Variants in CDKL2 observed in about 807,000 individuals in gnomAD.
CDKL2 encodes cyclin dependent kinase like 2, also known as cyclin-dependent kinase-like 2.
Under a neutral mutation model 63.9 loss-of-function variants are expected in CDKL2, and 64 were observed. That is an observed-to-expected ratio of 1.00 (90% CI 0.82 to 1.23). CDKL2 has a LOEUF of 1.23. CDKL2 is among the 50% of genes most tolerant of loss of function. The probability of loss-of-function intolerance (pLI) is 0.00; values close to 1 mark genes in which losing one functional copy is unlikely to be tolerated. For synonymous variants in CDKL2, 211 were observed against 229.2 expected (o/e 0.92, Z 0.72); for missense variants, 656 against 668.0 (o/e 0.98, Z 0.20).
At chr4:75,583,125 G>C (rs1728330689) in intron 12 of CDKL2, among the ~76,000 whole-genome samples, 1 of 152,170 alleles carries the variant, frequency 6.6e-6, no homozygotes, top group South Asian at 2.1e-4. Context: ...AAATGGTAAA[G>C]AGCTAGGTAA....
chr4:75,626,002 C>A lies in CDKL2; in HGVS notation c.-14G>T. 2 of 1,602,786 alleles carry A rather than the reference C, an allele frequency of 1.2e-6. No individual in the cohort carries two copies. Among genetic ancestry groups the A allele is most frequent in the South Asian group, 1.1e-5 (1 of 87,688 alleles). ...ATATTTTTCCATTTTAATTTAAAGTCCGTAGAAACTTTTTGCTGTGAAAAC... is the reference window on the plus strand; with the variant it reads ...ATATTTTTCCATTTTAATTTAAAGTACGTAGAAACTTTTTGCTGTGAAAAC... On this transcript the variant is annotated 5_prime_UTR_variant, in exon 2 of 14. Transcript: ENST00000307465.
intron 10 of CDKL2, 104 bp downstream of exon 10, chr4:75,596,143 G>A (rs1203008035): frequency 4.4e-6 from 3 of 681,542 alleles, no homozygotes; most frequent in African/African-American, 3.6e-5. Context: ...CACTTTATGT[G>A]TATCCAAACA....
In CDKL2 at chr4:75,605,730, C is replaced by T. The variant is rs1048248004; in HGVS notation, c.543-96G>A. ...CTGAGGTGATGCTCAAAGGAAATGC[C>T]AACCAGAGCATTTCAGATTTCAGAT... On this transcript the variant is annotated intron_variant, in intron 4 of 13. Transcript: ENST00000307465. The T allele has an allele frequency of 2.6e-5, 18 of 698,072 alleles. No individual in the cohort carries two copies. In the African/African-American group the frequency reaches 3.3e-4, roughly 13 times the overall value. The allele number at this position is 698,072 out of a possible 1,614,324, so 43.2% of individuals were successfully genotyped here. A position where few individuals can be genotyped will look rare whatever the true frequency, so the allele number is the denominator to read the frequency against.
At chr4:75,594,238 A>G (rs549969542) in intron 10 of CDKL2, among the ~76,000 whole-genome samples, 35 of 152,260 alleles carry the variant, frequency 2.3e-4, no homozygotes, top group African/African-American at 8.2e-4. Context: ...ACCTGAGGTC[A>G]GGAGTTCGAA....
intron 2 of CDKL2, among the ~76,000 whole-genome samples, chr4:75,623,195 C>G (rs1303617938): frequency 6.6e-6 from 1 of 152,146 alleles, no homozygotes; most frequent in Non-Finnish European, 1.5e-5. Flanking sequence ...GGGAGAATCA[C>G]TTGAGCCTGG....
chr4:75,623,082 C>T (rs553926225), intron 2 of CDKL2, among the ~76,000 whole-genome samples: 2 of 152,184 alleles, frequency 1.3e-5, no homozygotes, highest in South Asian at 4.2e-4. Context: ...TCAAGACTAG[C>T]CTGGGCAACA....
At position 75,578,659 on chromosome 4, in the gene CDKL2, C is replaced by G. The variant is rs888545683; in HGVS notation, c.*543G>C. On this transcript the variant is annotated 3_prime_UTR_variant, in exon 14 of 14. Transcript: ENST00000307465. Reference sequence around the variant, plus strand: ...TTAAGTGTGTTTTCATAGTTAAATTCAGGTAAAGCAAACAGTTTCTCTTAC... The same window carrying G: ...TTAAGTGTGTTTTCATAGTTAAATTGAGGTAAAGCAAACAGTTTCTCTTAC... The G allele has an allele frequency of 6.6e-6, 1 of 152,446 alleles. No homozygotes were observed. The highest frequency in any genetic ancestry group is 2.4e-5 in the African/African-American group (1 of 41,414). The allele number at this position is 152,446 out of a possible 1,614,324, so 9.4% of individuals were successfully genotyped here. A position where few individuals can be genotyped will look rare whatever the true frequency, so the allele number is the denominator to read the frequency against.
intron 2 of CDKL2, among the ~76,000 whole-genome samples, chr4:75,621,821 G>C (rs766957493): frequency 1.5e-4 from 23 of 152,190 alleles, no homozygotes; most frequent in Non-Finnish European, 2.2e-4. Context: ...TTAAGCATAA[G>C]GAAATTGACC....
rs999833238 is a variant in CDKL2 at position 75,576,614 on chromosome 4, T to C, written c.*2588A>G. Among the ~76,000 whole-genome samples, 2 of 152,214 alleles carry C rather than the reference T, an allele frequency of 1.3e-5. No individual in the cohort carries two copies. The highest frequency in any genetic ancestry group is 2.9e-5 in the Non-Finnish European group (2 of 68,022). ...TCCATTCAGTCCAATTCACTAAGAC[T>C]AGCCTAAAGCCTTAGGAGCAGTGCT... On this transcript the variant is annotated 3_prime_UTR_variant, in exon 14 of 14. Transcript: ENST00000307465.
At chr4:75,608,143 AG>A (rs1481302263) in intron 3 of CDKL2, among the ~76,000 whole-genome samples, 3 of 11,058 alleles carry the variant, frequency 2.7e-4, no homozygotes, top group Non-Finnish European at 6.3e-4. Context: ...TTTTTTTTTT[AG>A]GCATCGTCTT....
At chr4:75,600,151 T>C in intron 7 of CDKL2, 130 bp downstream of exon 7, 1 of 597,672 alleles carries the variant, frequency 1.7e-6, no homozygotes, top group Non-Finnish European at 3.0e-6. Flanking sequence ...AATATGGGGG[T>C]AGAGTGGTAG....
chr4:75,605,762 A>C, intron 4 of CDKL2, 128 bp from the exon 5 acceptor site: 1 of 608,586 alleles, frequency 1.6e-6, no homozygotes, highest in Admixed American at 3.0e-5. Flanking sequence ...AGATTCTCAG[A>C]TTTGGCATGC....
At chr4:75,606,341 A>G (rs1169955258) in intron 4 of CDKL2, among the ~76,000 whole-genome samples, 2 of 151,996 alleles carry the variant, frequency 1.3e-5, no homozygotes, top group Non-Finnish European at 2.9e-5. Context: ...CAGCCTCCCA[A>G]GTAGCTGGGA....
intron 7 of CDKL2, 113 bp downstream of exon 7, chr4:75,600,168 G>A: frequency 3.0e-6 from 2 of 663,264 alleles, no homozygotes; most frequent in Non-Finnish European, 5.3e-6. Context: ...GTAGATATCT[G>A]AGATCCTGCA....
At chr4:75,585,744 G>A (rs1728450699) in intron 12 of CDKL2, among the ~76,000 whole-genome samples, 1 of 152,110 alleles carries the variant, frequency 6.6e-6, no homozygotes, top group Non-Finnish European at 1.5e-5. Flanking sequence ...AACAAAGCGA[G>A]ACTCTGTCTT....
At chr4:75,617,239 A>T (rs1260773393) in intron 2 of CDKL2, among the ~76,000 whole-genome samples, 1 of 152,168 alleles carries the variant, frequency 6.6e-6, no homozygotes, top group East Asian at 1.9e-4. Context: ...CCTTCCCTTA[A>T]AACAGACATT....
chr4:75,582,168 C>T (rs1728290948), intron 12 of CDKL2, among the ~76,000 whole-genome samples: 2 of 152,140 alleles, frequency 1.3e-5, no homozygotes, highest in South Asian at 4.1e-4. Context: ...AGTGTAAGCC[C>T]ACTACAGCCC....
At chr4:75,587,859 G>A (rs529558569) in intron 12 of CDKL2, among the ~76,000 whole-genome samples, 5 of 148,580 alleles carry the variant, frequency 3.4e-5, no homozygotes, top group East Asian at 3.9e-4. Context: ...AGCCGAGATC[G>A]AGCCATTGCA....
chr4:75,582,864 C>A (rs1728319595), intron 12 of CDKL2, among the ~76,000 whole-genome samples: 1 of 152,064 alleles, frequency 6.6e-6, no homozygotes, highest in Non-Finnish European at 1.5e-5. Flanking sequence ...TTACAGAGAT[C>A]AGAAGACAGA....
Sources: allele counts gnomAD v4.1 joint callset (sites outside exome capture counted in the v4.1 genomes callset), GRCh38; gene constraint gnomAD v4.1.1; transcripts MANE v1.5; gene names NCBI Gene and HGNC (gene_info 2026-07-23, HGNC 2026-07-21).